Variants in FHIT observed in about 807,000 individuals in gnomAD.
The protein encoded by FHIT is fragile histidine triad diadenosine triphosphatase, also known as bis(5'-adenosyl)-triphosphatase.
A neutral mutation model predicts 17.9 loss-of-function variants in FHIT; 19 were observed. The observed-to-expected ratio is 1.06, with a 90% CI of 0.74 to 1.56. The LOEUF (loss-of-function observed/expected upper bound fraction) is 1.56. Ranked by LOEUF, FHIT falls within the 40% of genes most tolerant of loss-of-function variation. The pLI is 0.00. For synonymous variants in FHIT, 81 were observed against 69.7 expected (o/e 1.16, Z -0.81); for missense variants, 248 against 189.2 (o/e 1.31, Z -1.82).
chr3:60,932,430 T>G (rs532567453), intron 3 of FHIT, among the ~76,000 whole-genome samples: 25 of 152,292 alleles, frequency 1.6e-4, no homozygotes, highest in African/African-American at 6.0e-4. Context: ...TCCCGTGCCC[T>G]TTGGTTTCTA....
At chr3:60,655,491 A>C (rs1553689337) in intron 4 of FHIT, among the ~76,000 whole-genome samples, 1 of 152,198 alleles carries the variant, frequency 6.6e-6, no homozygotes, top group African/African-American at 2.4e-5. Context: ...ACGAGGAGAG[A>C]GCAAATGCAG....
chr3:60,357,455 G>C (rs1223711645), intron 5 of FHIT, among the ~76,000 whole-genome samples: 2 of 152,018 alleles, frequency 1.3e-5, no homozygotes, highest in Non-Finnish European at 1.5e-5. Flanking sequence ...ATGTTGGTCA[G>C]ACTGGTCTCA....
At chr3:60,484,706 C>G (rs1296352945) in intron 5 of FHIT, among the ~76,000 whole-genome samples, 2 of 152,102 alleles carry the variant, frequency 1.3e-5, no homozygotes, top group Admixed American at 1.3e-4. Context: ...AAACCCAAAA[C>G]TATAAAAACC....
chr3:60,004,192 T>G (rs997225589), intron 7 of FHIT, among the ~76,000 whole-genome samples: 1 of 152,160 alleles, frequency 6.6e-6, no homozygotes, highest in African/African-American at 2.4e-5. Flanking sequence ...CACAGGAGGT[T>G]TGACTTCACA....
chr3:60,248,779 C>T (rs1300221866), intron 5 of FHIT, among the ~76,000 whole-genome samples: 1 of 152,118 alleles, frequency 6.6e-6, no homozygotes, highest in Non-Finnish European at 1.5e-5. Context: ...ACTTAAAAAA[C>T]AGCAGGTGCT....
At chr3:60,841,141 C>A (rs1702714111) in intron 3 of FHIT, among the ~76,000 whole-genome samples, 3 of 152,136 alleles carry the variant, frequency 2.0e-5, no homozygotes, top group African/African-American at 7.2e-5. Flanking sequence ...GATTCTCTTA[C>A]CAATCCAACA....
chr3:60,578,617 G>A (rs1553658522), intron 4 of FHIT, among the ~76,000 whole-genome samples: 1 of 152,100 alleles, frequency 6.6e-6, no homozygotes, highest in African/African-American at 2.4e-5. Flanking sequence ...GTGGCACAAG[G>A]TTTTGTCATG....
chr3:60,920,723 C>A (rs564668441), intron 3 of FHIT, among the ~76,000 whole-genome samples: 138 of 152,102 alleles, frequency 9.1e-4, no homozygotes, highest in Non-Finnish European at 1.6e-3. Flanking sequence ...AGCGGTAGAA[C>A]CTTTTCAGTC....
At chr3:59,963,003 C>G (rs1478616895) in intron 7 of FHIT, among the ~76,000 whole-genome samples, 2 of 152,150 alleles carry the variant, frequency 1.3e-5, no homozygotes, top group Non-Finnish European at 2.9e-5. Flanking sequence ...TGCCTGTAAT[C>G]CCAGCACTTT....
At chr3:61,233,117 T>C (rs2040146470) in intron 1 of FHIT, among the ~76,000 whole-genome samples, 1 of 152,194 alleles carries the variant, frequency 6.6e-6, no homozygotes, top group Admixed American at 6.5e-5. Flanking sequence ...TCATTGCTGG[T>C]GTTAGTCACA....
intron 5 of FHIT, among the ~76,000 whole-genome samples, chr3:60,150,292 C>T (rs373316797): frequency 3.9e-5 from 6 of 152,000 alleles, no homozygotes; most frequent in African/African-American, 9.7e-5. Flanking sequence ...CCACTGTGCC[C>T]GGCCTGCCTT....
intron 5 of FHIT, among the ~76,000 whole-genome samples, chr3:60,098,854 CAA>C (rs1009066360): frequency 6.6e-6 from 1 of 152,138 alleles, no homozygotes; most frequent in African/African-American, 2.4e-5. Context: ...TTGGGAGAGT[CAA>C]AAGTTATATG....
At chr3:59,949,465 C>T (rs111814385) in intron 7 of FHIT, among the ~76,000 whole-genome samples, 46 of 152,306 alleles carry the variant, frequency 3.0e-4, no homozygotes, top group Admixed American at 5.9e-4. Context: ...GATTTTCATT[C>T]AGTTACTATA....
chr3:61,139,287 C>G (rs1330173163), intron 2 of FHIT, among the ~76,000 whole-genome samples: 1 of 152,132 alleles, frequency 6.6e-6, no homozygotes, highest in African/African-American at 2.4e-5. Flanking sequence ...CCTCGGCCTC[C>G]TAAAGATCAA....
chr3:61,045,917 A>G (rs930870434), intron 2 of FHIT, among the ~76,000 whole-genome samples: 1 of 152,244 alleles, frequency 6.6e-6, no homozygotes, highest in African/African-American at 2.4e-5. Flanking sequence ...TGAAGGCAGA[A>G]ATAAAGATGT....
At chr3:60,297,281 CT>C (rs1381877067) in intron 5 of FHIT, among the ~76,000 whole-genome samples, 2 of 152,046 alleles carry the variant, frequency 1.3e-5, no homozygotes, top group Non-Finnish European at 2.9e-5. Context: ...GAGAATATGT[CT>C]CTCCATTTAT....
intron 4 of FHIT, among the ~76,000 whole-genome samples, chr3:60,730,931 A>C (rs1386671834): frequency 1.3e-5 from 2 of 149,056 alleles, no homozygotes; most frequent in African/African-American, 5.0e-5. Context: ...CCAGGCTAAC[A>C]CAGTGAAACC....
At chr3:60,851,917 A>G (rs1227411810) in intron 3 of FHIT, among the ~76,000 whole-genome samples, 1 of 152,138 alleles carries the variant, frequency 6.6e-6, no homozygotes, top group Non-Finnish European at 1.5e-5. Context: ...AAAAAAGCAA[A>G]GTCCACATTT....
rs190925355 is a variant in FHIT, at chr3:60,923,064, T to C, written c.-110-101053A>G. 5.3e-5 allele frequency among the ~76,000 whole-genome samples: 8 copies of C among 152,332 alleles called. No individual in the cohort carries two copies. In the East Asian group the frequency reaches 1.5e-3, roughly 29 times the overall value. ...CTCAACTAGTGTGGTAGATTTAATA[T>C]TGGGATTCACTTAGATGGTGCTTTT... On this transcript the variant is annotated intron_variant, in intron 3 of 9. Coordinates refer to ENST00000492590, the MANE Select transcript of FHIT (RefSeq NM_002012.4).
Sources: allele counts gnomAD v4.1 joint callset (sites outside exome capture counted in the v4.1 genomes callset), GRCh38; gene constraint gnomAD v4.1.1; transcripts MANE v1.5; gene names NCBI Gene and HGNC (gene_info 2026-07-23, HGNC 2026-07-21).